Variants in PTK2B observed in about 807,000 individuals in gnomAD.
The protein encoded by PTK2B is protein tyrosine kinase 2 beta.
A neutral mutation model predicts 142.9 loss-of-function variants in PTK2B; 71 were observed. That is an observed-to-expected ratio of 0.50 (90% confidence interval 0.41 to 0.61). PTK2B has a LOEUF of 0.61. Ranked by LOEUF, PTK2B falls within the 20% of genes least tolerant of loss-of-function variation. PTK2B has a pLI of 0.00. For synonymous variants in PTK2B, 519 were observed against 503.4 expected, an observed-to-expected ratio of 1.03 and a Z score of -0.42; for missense variants, 1,105 against 1,320.4, an observed-to-expected ratio of 0.84 and a Z score of 2.53.
chr8:27,399,583 G>C (rs1808256701), intron 2 of PTK2B, among the ~76,000 whole-genome samples: 2 of 152,136 alleles, frequency 1.3e-5, no homozygotes, highest in Non-Finnish European at 2.9e-5. Flanking sequence ...ACCCTGCTGG[G>C]TGTTTAAGGG....
At chr8:27,315,283 G>T (rs1308334704) in intron 3 of PTK2B, among the ~76,000 whole-genome samples, 1 of 152,150 alleles carries the variant, frequency 6.6e-6, no homozygotes, top group African/African-American at 2.4e-5. Context: ...TGAGGCCCAG[G>T]AATCTTCATT....
chr8:27,458,143 T>C (rs983795978), intron 30 of PTK2B, 151 bp from the exon 31 acceptor site: 1 of 717,164 alleles, frequency 1.4e-6, no homozygotes, highest in Non-Finnish European at 2.3e-6. Context: ...CTGCACGGGG[T>C]GTTGCATTCA....
At chr8:27,430,249 G>A in intron 6 of PTK2B, 94 bp downstream of exon 6, 2 of 1,576,580 alleles carry the variant, frequency 1.3e-6, no homozygotes, top group Non-Finnish European at 1.7e-6. Flanking sequence ...CCAGACCAGA[G>A]CCACATAGGG....
At chr8:27,407,657 G>A (rs1337169851) in intron 2 of PTK2B, among the ~76,000 whole-genome samples, 1 of 152,182 alleles carries the variant, frequency 6.6e-6, no homozygotes, top group East Asian at 1.9e-4. Flanking sequence ...CCAGGTGCCA[G>A]TTCCCACCCA....
intron 24 of PTK2B, among the ~76,000 whole-genome samples, chr8:27,446,564 T>G (rs77745261): frequency 6.6e-6 from 1 of 152,126 alleles, no homozygotes; most frequent in South Asian, 2.1e-4. Flanking sequence ...ACACTTTTGC[T>G]TATAACCAGA....
chr8:27,327,930 C>A (rs997008133), intron 1 of PTK2B, among the ~76,000 whole-genome samples: 1 of 152,244 alleles, frequency 6.6e-6, no homozygotes, highest in African/African-American at 2.4e-5. Context: ...GCAACACCTT[C>A]ACAGGGTTGA....
rs368255132 is a variant in PTK2B, at chr8:27,454,495, A to G, written c.2734-36A>G. 45 of 1,600,688 alleles carry G rather than the reference A, an allele frequency of 2.8e-5. No homozygotes were observed. The African/African-American group carries it at 4.7e-4, about 17-fold the overall frequency. On this transcript the variant is annotated intron_variant, in intron 29 of 30. Transcript: ENST00000346049. The stretch of plus-strand genomic sequence containing the variant: ...GGAAACCTGGCTCTCTCCAATAGCT[A>G]GGAGTGGCGGCCATCCTGCCCCTTT...
chr8:27,314,883 C>T (rs895019620), intron 3 of PTK2B, among the ~76,000 whole-genome samples: 6 of 152,146 alleles, frequency 3.9e-5, no homozygotes, highest in Non-Finnish European at 8.8e-5. Flanking sequence ...GGCAGTGAGT[C>T]GAGATTGTGC....
chr8:27,345,110 C>T lies in PTK2B; in HGVS notation c.-38+19429C>T, dbSNP rs80166885. Reference sequence around the variant, plus strand: ...CCCAGGAGCCAAAGGTTGCACTAAGCCAAGATGGCGCCACTGCACTCCAGC... The same window carrying T: ...CCCAGGAGCCAAAGGTTGCACTAAGTCAAGATGGCGCCACTGCACTCCAGC... On this transcript the variant is annotated intron_variant, in intron 1 of 30. Transcript: ENST00000346049. 4.5e-3 allele frequency among the ~76,000 whole-genome samples: 688 copies of T among 152,312 alleles called. 7 individuals carry two copies. Among genetic ancestry groups the T allele is most frequent in the East Asian group, 0.035 (183 of 5,176 alleles).
At chr8:27,327,556 C>A (rs192073997) in intron 1 of PTK2B, among the ~76,000 whole-genome samples, 1 of 152,088 alleles carries the variant, frequency 6.6e-6, no homozygotes, top group African/African-American at 2.4e-5. Context: ...CTGAGGTTGG[C>A]GCAATGCTGT....
intron 2 of PTK2B, among the ~76,000 whole-genome samples, chr8:27,403,282 A>G (rs1465171939): frequency 6.6e-6 from 1 of 152,234 alleles, no homozygotes; most frequent in African/African-American, 2.4e-5. Flanking sequence ...GTGTCTGATC[A>G]AATGGAAGCA....
chr8:27,426,278 T>G (rs536916849), intron 5 of PTK2B, among the ~76,000 whole-genome samples: 1 of 152,384 alleles, frequency 6.6e-6, no homozygotes, highest in African/African-American at 2.4e-5. Flanking sequence ...CTGCTGTCCT[T>G]ACCTGGGTAT....
intron 28 of PTK2B, among the ~76,000 whole-genome samples, chr8:27,453,506 GGGT>G (rs1811951967): frequency 1.3e-5 from 2 of 152,146 alleles, no homozygotes; most frequent in Admixed American, 1.3e-4. Flanking sequence ...CAGCCATCTG[GGGT>G]GGTGCTGGCT....
chr8:27,454,363 C>A (rs1189113156), intron 29 of PTK2B, 72 bp downstream of exon 29: 34 of 1,577,342 alleles, frequency 2.2e-5, no homozygotes, highest in Non-Finnish European at 2.8e-5. Context: ...GACTGCGCTT[C>A]CTGTTGGCTG....
intron 24 of PTK2B, among the ~76,000 whole-genome samples, chr8:27,449,167 C>G (rs564131938): frequency 6.6e-6 from 1 of 152,310 alleles, no homozygotes; most frequent in South Asian, 2.1e-4. Flanking sequence ...GAGCCTTGGT[C>G]TGACTAGTAT....
chr8:27,318,462 A>T (rs544409102), intron 3 of PTK2B, among the ~76,000 whole-genome samples: 22 of 152,248 alleles, frequency 1.4e-4, no homozygotes, highest in African/African-American at 5.3e-4. Flanking sequence ...GAGCTGATTC[A>T]GAGTCGGCAG....
intron 1 of PTK2B, among the ~76,000 whole-genome samples, chr8:27,375,296 C>G (rs563218947): frequency 5.3e-5 from 8 of 152,192 alleles, no homozygotes; most frequent in Non-Finnish European, 1.2e-4. Context: ...ATGTAGGGAA[C>G]TCAGAGCCTA....
intron 1 of PTK2B, among the ~76,000 whole-genome samples, chr8:27,384,264 G>T (rs1016556812): frequency 2.0e-5 from 3 of 152,174 alleles, no homozygotes; most frequent in African/African-American, 7.2e-5. Context: ...GCAAAATGTT[G>T]GGATGACAGG....
At chr8:27,358,014 C>A (rs568846798) in intron 1 of PTK2B, among the ~76,000 whole-genome samples, 1 of 152,112 alleles carries the variant, frequency 6.6e-6, no homozygotes, top group Non-Finnish European at 1.5e-5. Flanking sequence ...TTGGGGTAAC[C>A]AAGCCAACCT....
Sources: gnomAD v4.1 joint callset for allele counts (sites outside exome capture counted in the v4.1 genomes callset) on GRCh38, gnomAD v4.1.1 for gene constraint, MANE v1.5 for transcripts, NCBI Gene and HGNC (gene_info 2026-07-23, HGNC 2026-07-21) for gene names.